The following TTN variants were observed in gnomAD, a reference collection of about 807,000 sequenced individuals.
TTN encodes the protein connectin.
TTN carries 1,525 observed loss-of-function variants against 3,223.0 expected under a neutral mutation model. The observed-to-expected ratio is 0.47, with a 90% CI of 0.45 to 0.49. TTN has a LOEUF of 0.49. Among genes scored for constraint, TTN ranks in the 20% least tolerant of loss-of-function variants. The pLI, the probability that TTN is intolerant of heterozygous loss-of-function variation, is 0.00. For missense variants in TTN, 40,786 were observed against 43,424.0 expected, an observed-to-expected ratio of 0.94 and a Z score of 5.40; for synonymous variants, 14,094 against 15,161.0, an observed-to-expected ratio of 0.93 and a Z score of 5.17.
At chr2:178,780,594 T>C (rs1222820791) in intron 21 of TTN, among the ~76,000 whole-genome samples, 2 of 152,234 alleles carry the variant, frequency 1.3e-5, no homozygotes, top group African/African-American at 4.8e-5. Context: ...AAACAGAGTG[T>C]GAGCCAGTTC....
rs754025981 is a variant in TTN, at chr2:178,560,286, G to T, written c.85846C>A (p.Arg28616=). Residue 28616 remains arginine, a synonymous_variant, in exon 326 of 363, where the codon CGG becomes AGG. Coordinates refer to ENST00000589042, the MANE Select transcript of TTN (RefSeq NM_001267550.2). The part of the protein sequence containing the change: ...YDLRVKSTGL[R]EGCEYEYRVY... ...CGATATTCATATTCACATCCTTCCC[G>T]AAGTCCTGTTGATTTCACTCTTAGA... The T allele has an allele frequency of 6.8e-6, 11 of 1,613,628 alleles. No individual in the cohort carries two copies. The African/African-American group carries it at 1.1e-4, about 16-fold the overall frequency.
In TTN at chr2:178,699,390, T is replaced by A. The variant is rs868159896; in HGVS notation, c.30683-476A>T. ...TCATGAATAAATAACACTCTTTTTT[T>A]TTTTTTTTTTTTTTTTTTTTTTTTT... On this transcript the variant is annotated intron_variant, in intron 111 of 362. Transcript: ENST00000589042. 5.1e-3 allele frequency among the ~76,000 whole-genome samples: 76 copies of A among 14,940 alleles called. No homozygotes were observed. In the South Asian group the frequency reaches 0.1, roughly 20 times the overall value. 9.8% of individuals were successfully genotyped at this position (14,940 alleles called of 152,430 possible). A position where few individuals can be genotyped will look rare whatever the true frequency, so the allele number is the denominator to read the frequency against.
At position 178,768,168 on chromosome 2, in the gene TTN, A is replaced by G. The variant is rs1167137724; in HGVS notation, c.9164-13T>C. 1.2e-6 allele frequency: 2 copies of G among 1,613,666 alleles called. No homozygotes were observed. Among genetic ancestry groups the G allele is most frequent in the African/African-American group, 2.7e-5 (2 of 74,936 alleles). On this transcript the variant is annotated splice_polypyrimidine_tract_variant and intron_variant, in intron 38 of 362. Transcript: ENST00000589042. ...TCTATATGACGAGCTGGAAAATAGC[A>G]TGTAGAAAAATTAACATTTTTAACA...
Position 178,795,026 on chromosome 2 carries a change from C to G in TTN, c.1141G>C (p.Gly381Arg). Residue 381 changes from glycine (G) to arginine (R), a missense_variant, in exon 7 of 363, where the codon GGT (glycine) becomes CGT (arginine). Transcript: ENST00000589042. ...CTGATGGTCACTTGCTCCTGGACACCGTATCTCCCTTCCCATCTCTCTTCT... is the reference window on the plus strand; with the variant it reads ...CTGATGGTCACTTGCTCCTGGACACGGTATCTCCCTTCCCATCTCTCTTCT... ...RTEERWEGRY[G>R]VQEQVTISGA... is the part of the protein sequence containing the mutation. The G allele has an allele frequency of 6.2e-7, 1 of 1,612,364 alleles. No individual in the cohort carries two copies.
At position 178,732,923 on chromosome 2, in the gene TTN, C is replaced by G. The variant is rs2080809923; in HGVS notation, c.16253G>C (p.Arg5418Thr). The G allele has an allele frequency of 6.2e-7, 1 of 1,613,422 alleles. No homozygotes were observed. The highest frequency in any genetic ancestry group is 1.3e-5 in the African/African-American group (1 of 74,900). The change falls in exon 55 of 363, where the codon AGA (arginine) becomes ACA (threonine). Residue 5418 changes from arginine (R) to threonine (T), a missense_variant. Arg to Thr is a moderately conservative substitution (Grantham distance 71). Coordinates refer to ENST00000589042, the MANE Select transcript of TTN (RefSeq NM_001267550.2). ...ATTCCCTGCATCATTCATGTCTACT[C>G]TGATGATCTCCAAAGAGGCTGTGCC... ...VEGTASLEIIRVDMNDAGNFT... is the reference protein window; with the variant it reads ...VEGTASLEIITVDMNDAGNFT...
rs776877766 is a variant in TTN, at chr2:178,799,668, C to A, written c.733G>T (p.Ala245Ser). ...GTTTTATGTGGCAGCTGTTGCCCAGCGGCACCATCTATGACCATCTCAACT... is the reference window on the plus strand; with the variant it reads ...GTTTTATGTGGCAGCTGTTGCCCAGAGGCACCATCTATGACCATCTCAACT... ...ATVEMVIDGA[A>S]GQQLPHKTPP... Residue 245 changes from alanine (A) to serine (S), a missense_variant, in exon 6 of 363, where the codon GCT (alanine) becomes TCT (serine). By Grantham distance (99) the Ala-to-Ser change is moderately conservative. Coordinates refer to ENST00000589042, the MANE Select transcript of TTN (RefSeq NM_001267550.2). 9 of 1,614,094 alleles carry A rather than the reference C, an allele frequency of 5.6e-6. No individual in the cohort carries two copies. Among genetic ancestry groups the A allele is most frequent in the Non-Finnish European group, 5.9e-6 (7 of 1,180,006 alleles).
chr2:178,750,156 G>A (rs867519949), intron 47 of TTN: 1 of 1,613,136 alleles, frequency 6.2e-7, no homozygotes, highest in Non-Finnish European at 8.5e-7. Flanking sequence ...TTTAACAAAT[G>A]AAGATTTGTT....
chr2:178,553,890 G>GCTGTGTCTT lies in TTN; in HGVS notation c.89197+23_89197+24insAAGACACAG, dbSNP rs757537638. On this transcript the variant is annotated intron_variant, in intron 333 of 362. Transcript: ENST00000589042. Reference sequence around the variant, plus strand: ...GGTGAATATAGAAGACACAGGTGAAGATGCTGCAGGTATGAGCACTTACCA... The same window carrying GCTGTGTCTT: ...GGTGAATATAGAAGACACAGGTGAAGCTGTGTCTTATGCTGCAGGTATGAGCACTTACCA... 8.9e-6 allele frequency: 14 copies of GCTGTGTCTT among 1,568,698 alleles called. No homozygotes were observed. The African/African-American group carries it at 1.6e-4, about 18-fold the overall frequency.
chr2:178,712,781 C>G lies in TTN; in HGVS notation c.27244G>C (p.Asp9082His), dbSNP rs749836809. The G allele has an allele frequency of 5.0e-6, 8 of 1,613,684 alleles. No individual in the cohort carries two copies. The African/African-American group carries it at 1.1e-4, about 22-fold the overall frequency. ...GTATATTCTCCACTTTGTGATGTATCTACATCGAACAACTCCAGTTCAGCA... is the reference window on the plus strand; with the variant it reads ...GTATATTCTCCACTTTGTGATGTATGTACATCGAACAACTCCAGTTCAGCA... ...SVAELELFDV[D>H]TSQSGEYTCI... Residue 9082 changes from aspartate (D) to histidine (H), a missense_variant, in exon 94 of 363, where the codon GAT becomes CAT. Coordinates refer to ENST00000589042, the MANE Select transcript of TTN (RefSeq NM_001267550.2).
At chr2:178,642,787 AT>A (rs1337930061) in intron 218 of TTN, among the ~76,000 whole-genome samples, 1 of 151,982 alleles carries the variant, frequency 6.6e-6, no homozygotes, top group Admixed American at 6.6e-5. Context: ...TGTGACTTTG[AT>A]GCTGGGGAAG....
At chr2:178,696,358 GTAT>G in intron 113 of TTN, 89 bp from the exon 114 acceptor site, 1 of 1,031,166 alleles carries the variant, frequency 9.7e-7, no homozygotes, top group Non-Finnish European at 1.3e-6. Flanking sequence ...AACAACATCA[GTAT>G]TTCAGATCTA....
Position 178,535,403 on chromosome 2 carries a change from G to T in TTN, c.101212C>A (p.Arg33738Ser). ...KCATTAERWL[R>S]VGQARETRYT... ...CGTGTTTCTCGGGCCTGTCCTACAC[G>T]GAGCCATCTTTCTGCAGTAGTTGCA... Residue 33738 changes from arginine to serine, a missense_variant, in exon 358 of 363, where the codon CGT (arginine) becomes AGT (serine). Physicochemically the swap from Arg to Ser is moderately radical, Grantham distance 110. Transcript: ENST00000589042. 6.2e-7 allele frequency: 1 copy of T among 1,613,814 alleles called. No homozygotes were observed. Among genetic ancestry groups the T allele is most frequent in the African/African-American group, 1.3e-5 (1 of 75,014 alleles).
intron 10 of TTN, 85 bp from the exon 11 acceptor site, chr2:178,790,930 C>T (rs554388930): frequency 1.3e-6 from 2 of 1,524,196 alleles, no homozygotes; most frequent in Non-Finnish European, 1.8e-6. Flanking sequence ...CAGGAAAATA[C>T]AGGATGCTTA....
intron 129 of TTN, 26 bp downstream of exon 129, chr2:178,685,227 T>C (rs760876877): frequency 2.9e-5 from 43 of 1,502,686 alleles, no homozygotes; most frequent in Non-Finnish European, 3.8e-5. Context: ...ATAAATAGTG[T>C]TGCATTTCTT....
intron 45 of TTN, 98 bp from the exon 46 acceptor site, chr2:178,756,895 T>C: frequency 5.4e-6 from 6 of 1,102,078 alleles, no homozygotes; most frequent in Non-Finnish European, 7.8e-6. Flanking sequence ...AAGATGAAGA[T>C]GAAAGACGTA....
Position 178,601,662 on chromosome 2 carries a change from G to A in TTN, c.55428C>T (p.Val18476=). The A allele has an allele frequency of 6.3e-7, 1 of 1,594,536 alleles. No individual in the cohort carries two copies. Among genetic ancestry groups the A allele is most frequent in the Admixed American group, 1.8e-5 (1 of 55,544 alleles). Residue 18476 remains valine, a synonymous_variant, in exon 286 of 363, where the codon GTC becomes GTT. Transcript: ENST00000589042. ...GQKTANCRVK[V]MDVPGPPKDL... Reference sequence around the variant, plus strand: ...AACTTTCAAAGTCTTTCTTACCCATGACTTTAACTCTGCAATTTGCAGTCT... The same window carrying A: ...AACTTTCAAAGTCTTTCTTACCCATAACTTTAACTCTGCAATTTGCAGTCT...
rs776377343 is a variant in TTN, at chr2:178,541,359, C to T, written c.97718G>A (p.Arg32573His). 28 of 1,597,356 alleles carry T rather than the reference C, an allele frequency of 1.8e-5. No homozygotes were observed. The highest frequency in any genetic ancestry group is 4.5e-5 in the South Asian group (4 of 88,494). Residue 32573 changes from arginine to histidine, a missense_variant, in exon 350 of 363, where the codon CGT becomes CAT. By Grantham distance (29) the Arg-to-His change is conservative. Transcript: ENST00000589042. Reference sequence around the variant, plus strand: ...CCCTCTTGCATTAATGGCTGTGACACGGTGTTCATATTCTAAGCCTTCAGT... The same window carrying T: ...CCCTCTTGCATTAATGGCTGTGACATGGTGTTCATATTCTAAGCCTTCAGT... The part of the protein sequence containing the change: ...GLTEGLEYEH[R>H]VTAINARGSG...
Position 178,723,628 on chromosome 2 carries a change from T to C in TTN, c.21472A>G (p.Ser7158Gly). The C allele has an allele frequency of 1.2e-6, 2 of 1,611,752 alleles. No homozygotes were observed. Among genetic ancestry groups the C allele is most frequent in the South Asian group, 1.1e-5 (1 of 90,596 alleles). ...AATGGAGGGGTTCCTCTAATAACGCTTGTGAAGGTTACATTTTTGCCTGGT... is the reference window on the plus strand; with the variant it reads ...AATGGAGGGGTTCCTCTAATAACGCCTGTGAAGGTTACATTTTTGCCTGGT... ...VLPGKNVTFT[S>G]VIRGTPPFKV... Residue 7158 changes from serine (S) to glycine (G), a missense_variant, in exon 74 of 363, where the codon AGC (serine) becomes GGC (glycine). Coordinates refer to ENST00000589042, the MANE Select transcript of TTN (RefSeq NM_001267550.2).
In TTN at chr2:178,756,498, G is replaced by A. The variant is rs375986676; in HGVS notation, c.10978C>T (p.Pro3660Ser). The change falls in exon 46 of 363, where the codon CCC becomes TCC. Residue 3660 changes from proline to serine, a missense_variant. Pro to Ser is a moderately conservative substitution (Grantham distance 74). Transcript: ENST00000589042. ...TCCTGAAGATGCAGGAAAATCTTGG[G>A]CGCCTCACCCGTGGACTCTTTAGCA... is the stretch of plus-strand genomic sequence containing the variant. ...ECAKESTGEA[P>S]KIFLHLQDVT... 5 of 1,613,792 alleles carry A rather than the reference G, an allele frequency of 3.1e-6. No individual in the cohort carries two copies. Among genetic ancestry groups the A allele is most frequent in the Non-Finnish European group, 4.2e-6 (5 of 1,179,796 alleles).
Sources: gnomAD v4.1 joint callset for allele counts (sites outside exome capture counted in the v4.1 genomes callset) on GRCh38, gnomAD v4.1.1 for gene constraint, MANE v1.5 for transcripts, NCBI Gene and HGNC (gene_info 2026-07-23, HGNC 2026-07-21) for gene names.